SGTB: variants seen among roughly 807,000 people sequenced by gnomAD.
The protein encoded by SGTB is small glutamine rich tetratricopeptide repeat co-chaperone beta.
SGTB carries 19 observed loss-of-function variants against 43.9 expected under a neutral mutation model. The observed-to-expected ratio is 0.43, with a 90% CI of 0.30 to 0.63. The LOEUF is 0.63. SGTB is among the 30% of genes least tolerant of loss of function. The pLI, the probability that SGTB is intolerant of heterozygous loss-of-function variation, is 0.12. For missense variants in SGTB, 304 were observed against 358.9 expected, an observed-to-expected ratio of 0.85 and a Z score of 1.24; for synonymous variants, 116 against 117.3, an observed-to-expected ratio of 0.99 and a Z score of 0.07.
At chr5:65,698,854 T>C (rs1757760215) in intron 5 of SGTB, among the ~76,000 whole-genome samples, 1 of 152,140 alleles carries the variant, frequency 6.6e-6, no homozygotes, top group South Asian at 2.1e-4. Context: ...CTTGCAAGAA[T>C]GGCCATTATT....
At chr5:65,702,721 G>A (rs1757847722) in intron 5 of SGTB, among the ~76,000 whole-genome samples, 1 of 152,100 alleles carries the variant, frequency 6.6e-6, no homozygotes, top group Non-Finnish European at 1.5e-5. Flanking sequence ...TGGAGATTGG[G>A]TGTAAAATTC....
chr5:65,683,660 G>A (rs1339706415), intron 6 of SGTB, among the ~76,000 whole-genome samples: 12 of 98,774 alleles, frequency 1.2e-4, no homozygotes, highest in Middle Eastern at 5.1e-3. Flanking sequence ...AGAGAGTGAT[G>A]TATTTTGACA....
At position 65,720,815 on chromosome 5, in the gene SGTB, G is replaced by A. The variant is rs745704638; in HGVS notation, c.-8C>T. ...GTGCTTGATAGATGACATTTTAGAA[G>A]CTTAAACACTTTTCCTTGATAAGAA... On this transcript the variant is annotated 5_prime_UTR_variant, in exon 2 of 11. Transcript: ENST00000381007. The A allele has an allele frequency of 6.2e-7, 1 of 1,605,956 alleles. No homozygotes were observed. The highest frequency in any genetic ancestry group is 8.5e-7 in the Non-Finnish European group (1 of 1,178,140).
chr5:65,709,623 C>T (rs1294198823), intron 3 of SGTB, among the ~76,000 whole-genome samples: 6 of 152,088 alleles, frequency 3.9e-5, no homozygotes, highest in African/African-American at 1.2e-4. Flanking sequence ...GTGATCCACC[C>T]GCCTCGGCCT....
chr5:65,688,342 T>A (rs1757537690), intron 5 of SGTB, among the ~76,000 whole-genome samples: 1 of 152,202 alleles, frequency 6.6e-6, no homozygotes, highest in Non-Finnish European at 1.5e-5. Flanking sequence ...ATCACTGACA[T>A]CTGATTCTGG....
At chr5:65,698,454 T>C (rs1004859257) in intron 5 of SGTB, among the ~76,000 whole-genome samples, 2 of 152,212 alleles carry the variant, frequency 1.3e-5, no homozygotes, top group African/African-American at 4.8e-5. Flanking sequence ...CTAGGAAATT[T>C]GCTCAAGGTC....
chr5:65,688,582 A>C (rs934399147), intron 5 of SGTB, among the ~76,000 whole-genome samples: 35 of 152,336 alleles, frequency 2.3e-4, no homozygotes, highest in African/African-American at 7.7e-4. Flanking sequence ...AACACTTGCT[A>C]AACACCTTCA....
chr5:65,687,100 C>T (rs1469271102), intron 5 of SGTB, among the ~76,000 whole-genome samples: 1 of 152,044 alleles, frequency 6.6e-6, no homozygotes, highest in Non-Finnish European at 1.5e-5. Flanking sequence ...GAATATAAAC[C>T]TACTAAATTT....
Position 65,680,766 on chromosome 5 carries a change from C to T in SGTB, c.508G>A (p.Glu170Lys), listed in dbSNP as rs764653513. 6.2e-7 allele frequency: 1 copy of T among 1,613,578 alleles called. No homozygotes were observed. The highest frequency in any genetic ancestry group is 1.3e-5 in the African/African-American group (1 of 74,908). The change falls in exon 7 of 11, where the codon GAA (glutamate) becomes AAA (lysine). Residue 170 changes from glutamate (E) to lysine (K), a missense_variant. By Grantham distance (56) the Glu-to-Lys change is moderately conservative. Coordinates refer to ENST00000381007, the MANE Select transcript of SGTB (RefSeq NM_019072.3). ...GLALTALNKFEEAVTSYQKAL... is the reference protein window; with the variant it reads ...GLALTALNKFKEAVTSYQKAL... ...TTTTGATAACTTGTAACTGCTTCTTCAAATTTATTCAAGGCAGTGAGGGCC... is the reference window on the plus strand; with the variant it reads ...TTTTGATAACTTGTAACTGCTTCTTTAAATTTATTCAAGGCAGTGAGGGCC...
intron 5 of SGTB, among the ~76,000 whole-genome samples, chr5:65,686,232 C>T (rs1757495463): frequency 6.6e-6 from 1 of 152,178 alleles, no homozygotes; most frequent in Non-Finnish European, 1.5e-5. Flanking sequence ...ACCACTTCTT[C>T]AATTTCTCAC....
At chr5:65,699,704 C>T (rs1371744715) in intron 5 of SGTB, among the ~76,000 whole-genome samples, 1 of 152,174 alleles carries the variant, frequency 6.6e-6, no homozygotes, top group African/African-American at 2.4e-5. Flanking sequence ...GTGATCCATC[C>T]GCCTCAGCCT....
At chr5:65,672,122 T>G (rs761202732) in intron 9 of SGTB, 122 bp downstream of exon 9, 2 of 1,572,072 alleles carry the variant, frequency 1.3e-6, no homozygotes, top group Non-Finnish European at 1.7e-6. Context: ...TGTGTGTGGC[T>G]TTAAGCTCCA....
At chr5:65,672,210 G>A in intron 9 of SGTB, 34 bp downstream of exon 9, 1 of 1,613,432 alleles carries the variant, frequency 6.2e-7, no homozygotes, top group Non-Finnish European at 8.5e-7. Flanking sequence ...TGGAAGGGTT[G>A]GGGAAGTGTA....
intron 3 of SGTB, among the ~76,000 whole-genome samples, chr5:65,712,654 CTCAGAT>C (rs1158176079): frequency 2.6e-5 from 4 of 152,042 alleles, no homozygotes; most frequent in Admixed American, 1.3e-4. Context: ...CCAAAAAATA[CTCAGAT>C]TCATTGAAAT....
Position 65,713,167 on chromosome 5 carries a change from G to A in SGTB, c.101-103C>T, listed in dbSNP as rs1579886445. ...CAATGTATGGAAATTCAGTATTTAT[G>A]ATCACAGAACATAAGGAAAACATTG... On this transcript the variant is annotated intron_variant, in intron 2 of 10. Transcript: ENST00000381007. 7.5e-6 allele frequency: 6 copies of A among 798,922 alleles called. No homozygotes were observed. The East Asian group carries it at 1.6e-4, about 22-fold the overall frequency. 49.5% of individuals were successfully genotyped at this position (798,922 alleles called of 1,614,324 possible).
At position 65,680,810 on chromosome 5, in the gene SGTB, T is replaced by A. The variant is rs758169528; in HGVS notation, c.480-16A>T. ...GAGGGCCAGCCTGAAGGGAATAGAA[T>A]ATAAGAATATCAGATATATGATTAA... On this transcript the variant is annotated splice_polypyrimidine_tract_variant and intron_variant, in intron 6 of 10. Transcript: ENST00000381007. 7.5e-6 allele frequency: 12 copies of A among 1,607,278 alleles called. No individual in the cohort carries two copies. The highest frequency in any genetic ancestry group is 1.3e-5 in the African/African-American group (1 of 74,616).
At chr5:65,693,989 G>A (rs185858060) in intron 5 of SGTB, among the ~76,000 whole-genome samples, 189 of 152,252 alleles carry the variant, frequency 1.2e-3, no homozygotes, top group Non-Finnish European at 1.8e-3. Flanking sequence ...CTGAGGAACT[G>A]CTAATGCAAT....
intron 5 of SGTB, among the ~76,000 whole-genome samples, chr5:65,691,991 C>T (rs936478281): frequency 6.6e-6 from 1 of 150,710 alleles, no homozygotes; most frequent in Non-Finnish European, 1.5e-5. Flanking sequence ...TTTAAAGGGG[C>T]TCTCATTAGC....
intron 3 of SGTB, among the ~76,000 whole-genome samples, chr5:65,710,332 A>T (rs1475480406): frequency 6.6e-6 from 1 of 152,182 alleles, no homozygotes; most frequent in African/African-American, 2.4e-5. Flanking sequence ...AATAGATTAT[A>T]ATCTCTTCTG....
Sources: allele counts gnomAD v4.1 joint callset (sites outside exome capture counted in the v4.1 genomes callset), GRCh38; gene constraint gnomAD v4.1.1; transcripts MANE v1.5; gene names NCBI Gene and HGNC (gene_info 2026-07-23, HGNC 2026-07-21).